LHFPL1: variants seen among roughly 807,000 people sequenced by gnomAD.
LHFPL1 encodes LHFPL tetraspan subfamily member 1 protein.
LHFPL1 carries 4 observed loss-of-function variants against 12.1 expected under a neutral mutation model. The observed-to-expected ratio is 0.33, with a 90% CI of 0.16 to 0.76. LHFPL1 has a LOEUF of 0.76. Among genes scored for constraint, LHFPL1 ranks in the 30% least tolerant of loss-of-function variants. The pLI is 0.61. For missense variants in LHFPL1, 141 were observed against 174.1 expected (o/e 0.81, Z 1.07); for synonymous variants, 52 against 61.9 (o/e 0.84, Z 0.75).
At chrX:112,648,909 T>G (rs1040923432) in intron 3 of LHFPL1, among the ~76,000 whole-genome samples, 17 of 111,884 alleles carry the variant, frequency 1.5e-4, no homozygotes, top group Non-Finnish European at 3.2e-4. Context: ...CAACAAATAG[T>G]GCTTTCAATA....
At chrX:112,675,065 G>A (rs1931618067) in intron 1 of LHFPL1, among the ~76,000 whole-genome samples, 1 of 111,570 alleles carries the variant, frequency 9.0e-6, no homozygotes, top group South Asian at 3.8e-4. Flanking sequence ...TGGGAGCTAA[G>A]CTATGAGGAT....
In LHFPL1 at chrX:112,671,234, G is replaced by A. The variant is rs1931490173; in HGVS notation, c.157C>T (p.Pro53Ser). Residue 53 changes from proline (P) to serine (S), a missense_variant, in exon 2 of 4, where the codon CCT (proline) becomes TCT (serine). Pro to Ser is a moderately conservative substitution (Grantham distance 74). Transcript: ENST00000371968. ...SFSTFRRCNY[P>S]VRGEGHSLIM... ...AGACTGTGTCCCTCTCCCCGCACAG[G>A]GTAGTTGCACCTCCGGAATGTGCTG... 8.3e-7 allele frequency: 1 copy of A among 1,211,978 alleles called. No individual in the cohort carries two copies. The highest frequency in any genetic ancestry group is 1.1e-6 in the Non-Finnish European group (1 of 895,492).
At chrX:112,659,434 T>A (rs1931109476) in intron 3 of LHFPL1, among the ~76,000 whole-genome samples, 1 of 109,816 alleles carries the variant, frequency 9.1e-6, no homozygotes, top group Admixed American at 9.9e-5. Flanking sequence ...CACTCCAGCC[T>A]GGGTGACAGA....
At chrX:112,648,262 G>A (rs373238049) in intron 3 of LHFPL1, among the ~76,000 whole-genome samples, 26 of 111,091 alleles carry the variant, frequency 2.3e-4, no homozygotes, top group African/African-American at 7.9e-4. Context: ...ACCATGGCAC[G>A]TGTATACCTA....
chrX:112,648,627 A>G (rs1430142485), intron 3 of LHFPL1: 2 of 112,073 alleles, frequency 1.8e-5, no homozygotes, highest in Admixed American at 9.5e-5. Flanking sequence ...GTATTAAAAA[A>G]AACAAACTCA....
At chrX:112,638,440 C>A (rs1277134955) in intron 3 of LHFPL1, among the ~76,000 whole-genome samples, 1 of 111,208 alleles carries the variant, frequency 9.0e-6, no homozygotes, top group African/African-American at 3.3e-5. Context: ...AGGACAAAAA[C>A]CTCAGCTACA....
chrX:112,673,665 T>C (rs1177902110), intron 1 of LHFPL1, among the ~76,000 whole-genome samples: 1 of 111,482 alleles, frequency 9.0e-6, no homozygotes, highest in Non-Finnish European at 1.9e-5. Context: ...TATCCTAAAT[T>C]TACAAATGAG....
rs150435295 is a variant in LHFPL1, at chrX:112,672,824, C to T, written c.-14-1420G>A. Among the ~76,000 whole-genome samples the T allele has an allele frequency of 9.2e-3, 1,033 of 112,207 alleles. 12 individuals are homozygous for T. The highest frequency in any genetic ancestry group is 0.032 in the African/African-American group (991 of 30,930). ...CAAGTTTGTTTAGTGAAACCCATTT[C>T]ATAGAATCATTCAATTTCCAGATGG... On this transcript the variant is annotated intron_variant, in intron 1 of 3. Transcript: ENST00000371968.
chrX:112,642,796 C>T (rs1280928966), intron 3 of LHFPL1, among the ~76,000 whole-genome samples: 3 of 110,611 alleles, frequency 2.7e-5, no homozygotes, highest in African/African-American at 6.6e-5. Flanking sequence ...TTTATAAGCA[C>T]CGTCATTATT....
chrX:112,662,769 T>C (rs900250389), intron 2 of LHFPL1, among the ~76,000 whole-genome samples: 3 of 111,776 alleles, frequency 2.7e-5, no homozygotes, highest in African/African-American at 9.8e-5. Flanking sequence ...CCCTGTTTTT[T>C]CCACAGATAA....
intron 2 of LHFPL1, among the ~76,000 whole-genome samples, chrX:112,669,986 A>C (rs942512996): frequency 2.2e-4 from 25 of 111,882 alleles, no homozygotes; most frequent in Non-Finnish European, 4.7e-4. Flanking sequence ...ATTCAAAGGA[A>C]GTGAAGCATA....
chrX:112,672,860 T>C (rs898608511), intron 1 of LHFPL1, among the ~76,000 whole-genome samples: 1 of 112,347 alleles, frequency 8.9e-6, no homozygotes, highest in Non-Finnish European at 1.9e-5. Context: ...GTAGGGAACT[T>C]AATGAATCAT....
intron 1 of LHFPL1, 150 bp from the exon 2 acceptor site, chrX:112,671,554 C>G: frequency 1.8e-6 from 2 of 1,122,169 alleles, no homozygotes; most frequent in Non-Finnish European, 2.3e-6. Context: ...ATTATTCTCT[C>G]GAGGACCATT....
At chrX:112,662,975 T>C (rs1931232021) in intron 2 of LHFPL1, among the ~76,000 whole-genome samples, 1 of 112,116 alleles carries the variant, frequency 8.9e-6, no homozygotes, top group South Asian at 3.7e-4. Flanking sequence ...CTCTATTTTC[T>C]AACCTTCACA....
Position 112,671,407 on chromosome X carries a change from G to C in LHFPL1, c.-14-3C>G, listed in dbSNP as rs780322553. On this transcript the variant is annotated splice_region_variant and splice_polypyrimidine_tract_variant and intron_variant, in intron 1 of 3. Coordinates refer to ENST00000371968, the MANE Select transcript of LHFPL1 (RefSeq NM_178175.4). ...GCTCCTCATGGTCACAGGTTTCTCT[G>C]CAGGGATGGGGAGATGAGTTGGATC... 7.6e-5 allele frequency: 92 copies of C among 1,209,865 alleles called. No homozygotes were observed. Among genetic ancestry groups the C allele is most frequent in the South Asian group, 5.3e-5 (3 of 56,817 alleles).
chrX:112,678,428 CT>C (rs1485593131), intron 1 of LHFPL1, among the ~76,000 whole-genome samples: 2 of 112,018 alleles, frequency 1.8e-5, no homozygotes, highest in African/African-American at 6.5e-5. Context: ...ACACTCTCAG[CT>C]GGTTAGAAAC....
chrX:112,665,239 G>A (rs1401286132), intron 2 of LHFPL1, among the ~76,000 whole-genome samples: 3 of 106,462 alleles, frequency 2.8e-5, no homozygotes. Flanking sequence ...CACCCAGGCT[G>A]GAGTACAATG....
At chrX:112,636,466 C>A (rs1034379462) in intron 3 of LHFPL1, among the ~76,000 whole-genome samples, 1 of 112,184 alleles carries the variant, frequency 8.9e-6, no homozygotes, top group Admixed American at 9.4e-5. Context: ...CAAAATAAAT[C>A]TTGATGACTA....
At chrX:112,643,772 T>G (rs1472161652) in intron 3 of LHFPL1, among the ~76,000 whole-genome samples, 1 of 111,565 alleles carries the variant, frequency 9.0e-6, no homozygotes, top group Non-Finnish European at 1.9e-5. Flanking sequence ...TCTATGGTGA[T>G]ACAGTCAGAT....
Sources: gnomAD v4.1 joint callset for allele counts (sites outside exome capture counted in the v4.1 genomes callset) on GRCh38, gnomAD v4.1.1 for gene constraint, MANE v1.5 for transcripts, NCBI Gene and HGNC (gene_info 2026-07-23, HGNC 2026-07-21) for gene names.